SDK2: variants seen among roughly 807,000 people sequenced by gnomAD.
SDK2 encodes protein sidekick-2.
SDK2 carries 105 observed loss-of-function variants against 253.9 expected under a neutral mutation model. The ratio of observed to expected loss-of-function variants is 0.41; its 90% CI spans 0.35 to 0.49. The LOEUF is 0.49. Among genes scored for constraint, SDK2 ranks in the 20% least tolerant of loss-of-function variants. The pLI is 0.06. For synonymous variants in SDK2, 1,249 were observed against 1,234.9 expected, an observed-to-expected ratio of 1.01 and a Z score of -0.24; for missense variants, 2,608 against 3,003.0, an observed-to-expected ratio of 0.87 and a Z score of 3.07.
chr17:73,484,328 G>A lies in SDK2; in HGVS notation c.225-12110C>T, dbSNP rs377430183. 2.3e-4 allele frequency among the ~76,000 whole-genome samples: 35 copies of A among 152,334 alleles called. No homozygotes were observed. The East Asian group carries it at 3.7e-3, about 16-fold the overall frequency. The stretch of plus-strand genomic sequence containing the variant: ...GCTCTGTGGCCGAATCATGGTGGGT[G>A]GCCAGAGCAGCCCCATGGACCCACT... On this transcript the variant is annotated intron_variant, in intron 2 of 44. Transcript: ENST00000392650.
Position 73,549,130 on chromosome 17 carries a change from C to T in SDK2, c.65-41533G>A, listed in dbSNP as rs76115241. Among the ~76,000 whole-genome samples, 150 of 152,274 alleles carry T rather than the reference C, an allele frequency of 9.9e-4. 1 individual carries two copies. Among genetic ancestry groups the T allele is most frequent in the African/African-American group, 3.5e-3 (145 of 41,536 alleles). On this transcript the variant is annotated intron_variant, in intron 1 of 44. Transcript: ENST00000392650. Reference sequence around the variant, plus strand: ...GGCTGATAAAGGAACAATTTCCCTGCGAAGGAAAAACGTAGCAAGCAGCAA... The same window carrying T: ...GGCTGATAAAGGAACAATTTCCCTGTGAAGGAAAAACGTAGCAAGCAGCAA...
chr17:73,399,416 GC>G, intron 21 of SDK2, 127 bp from the exon 22 acceptor site: 1 of 988,842 alleles, frequency 1.0e-6, no homozygotes, highest in Non-Finnish European at 1.5e-6. Context: ...GAGAAGCACA[GC>G]CACGGCCCCA....
intron 1 of SDK2, among the ~76,000 whole-genome samples, chr17:73,633,199 C>G (rs554425099): frequency 6.6e-6 from 1 of 152,134 alleles, no homozygotes. Context: ...GTGGGAGGAT[C>G]GCTTGAACCT....
intron 16 of SDK2, among the ~76,000 whole-genome samples, chr17:73,416,428 C>G (rs1314332464): frequency 6.6e-6 from 1 of 151,872 alleles, no homozygotes; most frequent in Non-Finnish European, 1.5e-5. Flanking sequence ...AACTCCTGAC[C>G]TCAGGTGATC....
In SDK2 at chr17:73,447,472, C is replaced by T. The variant is rs901917960; in HGVS notation, c.613+143G>A. ...CCCTGGCTCTGCTGTGTCTCGTCCTCCTTGGGAAGGCTCCCCCCGGCCGTC... is the reference window on the plus strand; with the variant it reads ...CCCTGGCTCTGCTGTGTCTCGTCCTTCTTGGGAAGGCTCCCCCCGGCCGTC... On this transcript the variant is annotated intron_variant, in intron 5 of 44. Transcript: ENST00000392650. This position sits in a 1 kb window ranked among gnomAD's most constrained non-coding sequence, Gnocchi z 4.0. 246 of 1,228,570 alleles carry T rather than the reference C, an allele frequency of 2.0e-4. No individual in the cohort carries two copies. Among genetic ancestry groups the T allele is most frequent in the Middle Eastern group, 6.7e-4 (3 of 4,462 alleles). 76.1% of individuals were successfully genotyped at this position (1,228,570 alleles called of 1,614,324 possible). A position where few individuals can be genotyped will look rare whatever the true frequency, so the allele number is the denominator to read the frequency against.
intron 1 of SDK2, among the ~76,000 whole-genome samples, chr17:73,557,781 T>A (rs1334743537): frequency 6.6e-6 from 1 of 152,186 alleles, no homozygotes; most frequent in Admixed American, 6.5e-5. Flanking sequence ...GTCAAAGCCC[T>A]GCCATTCTAA....
intron 1 of SDK2, among the ~76,000 whole-genome samples, chr17:73,538,377 C>T (rs1244918431): frequency 6.6e-6 from 1 of 152,178 alleles, no homozygotes; most frequent in Non-Finnish European, 1.5e-5. Context: ...CTTTCCCTGG[C>T]CTCCACCCAT....
At chr17:73,566,203 C>T (rs570892529) in intron 1 of SDK2, among the ~76,000 whole-genome samples, 13 of 152,270 alleles carry the variant, frequency 8.5e-5, no homozygotes, top group African/African-American at 2.6e-4. Flanking sequence ...TCTGCTCTCC[C>T]CTTCAACTTC....
rs1203671674 is a variant in SDK2 at position 73,338,826 on chromosome 17, T to A, written c.6280A>T (p.Ile2094Phe). The change falls in exon 45 of 45, where the codon ATC (isoleucine) becomes TTC (phenylalanine). Residue 2094 changes from isoleucine to phenylalanine, a missense_variant. Transcript: ENST00000392650. This position sits in a 1 kb window ranked among gnomAD's most constrained non-coding sequence, Gnocchi z 5.0. ...YNSWRRQQKG[I>F]SRAQAYSYTE... is the part of the protein sequence containing the mutation. ...TAGCTGTAGGCCTGTGCCCTCGAGA[T>A]GCCCTTCTGCTGTCGCCGCCACGAG... 5.0e-6 allele frequency: 8 copies of A among 1,613,894 alleles called. No individual in the cohort carries two copies. Among genetic ancestry groups the A allele is most frequent in the South Asian group, 1.1e-5 (1 of 91,086 alleles).
chr17:73,624,488 CAA>C (rs2046176210), intron 1 of SDK2, among the ~76,000 whole-genome samples: 1 of 151,996 alleles, frequency 6.6e-6, no homozygotes, highest in African/African-American at 2.4e-5. Flanking sequence ...ACTCTGTCTC[CAA>C]AAAAAGAATA....
At chr17:73,571,748 G>A (rs1472782736) in intron 1 of SDK2, among the ~76,000 whole-genome samples, 4 of 152,200 alleles carry the variant, frequency 2.6e-5, no homozygotes, top group Admixed American at 6.5e-5. Context: ...AGGTGAGCCC[G>A]GCTGGGGCCC....
At chr17:73,458,401 T>C (rs1312774702) in intron 3 of SDK2, among the ~76,000 whole-genome samples, 1 of 152,248 alleles carries the variant, frequency 6.6e-6, no homozygotes, top group Non-Finnish European at 1.5e-5. Context: ...AAGGCCCGTC[T>C]GGCTCTCTGA....
At chr17:73,367,678 AT>A (rs1323906569) in intron 37 of SDK2, among the ~76,000 whole-genome samples, 1 of 151,098 alleles carries the variant, frequency 6.6e-6, no homozygotes, top group African/African-American at 2.4e-5. Flanking sequence ...AATTTTTTAT[AT>A]TTTTAGTAGA....
intron 44 of SDK2, among the ~76,000 whole-genome samples, chr17:73,343,132 C>G (rs2145374524): frequency 6.6e-6 from 1 of 152,358 alleles, no homozygotes; most frequent in South Asian, 2.1e-4. Flanking sequence ...GGGCCCAGAT[C>G]CCAAAGCCCA....
intron 1 of SDK2, among the ~76,000 whole-genome samples, chr17:73,562,586 G>A (rs531783659): frequency 3.9e-5 from 6 of 152,218 alleles, no homozygotes; most frequent in East Asian, 1.9e-4. Flanking sequence ...GAAGGCAGGC[G>A]TGGGAGGGGG....
intron 1 of SDK2, among the ~76,000 whole-genome samples, chr17:73,605,074 G>A (rs955550731): frequency 6.6e-6 from 1 of 152,202 alleles, no homozygotes; most frequent in Non-Finnish European, 1.5e-5. Context: ...GGGCAAGGCC[G>A]TAAGAGGGTC....
At chr17:73,542,792 G>T (rs1023742156) in intron 1 of SDK2, among the ~76,000 whole-genome samples, 1 of 152,104 alleles carries the variant, frequency 6.6e-6, no homozygotes, top group Non-Finnish European at 1.5e-5. Context: ...CATGCCATTT[G>T]GTGGCCCTCT....
chr17:73,549,657 G>A (rs1193560838), intron 1 of SDK2, among the ~76,000 whole-genome samples: 3 of 151,956 alleles, frequency 2.0e-5, no homozygotes, highest in Admixed American at 1.3e-4. Context: ...AGCAGAGATG[G>A]GGGCAAGTTT....
At chr17:73,571,346 G>C (rs963186667) in intron 1 of SDK2, among the ~76,000 whole-genome samples, 1 of 152,042 alleles carries the variant, frequency 6.6e-6, no homozygotes, top group Non-Finnish European at 1.5e-5. Context: ...GCCTCACTGA[G>C]GCACCAGGGC....
Sources: allele counts gnomAD v4.1 joint callset (sites outside exome capture counted in the v4.1 genomes callset), GRCh38; gene constraint gnomAD v4.1.1; non-coding constraint Gnocchi (gnomAD v3.1); transcripts MANE v1.5; gene names NCBI Gene and HGNC (gene_info 2026-07-23, HGNC 2026-07-21).